NELL1: variants seen among roughly 807,000 people sequenced by gnomAD.
NELL1 encodes neural EGFL like 1, also known as protein kinase C-binding protein NELL1.
NELL1 carries 76 observed loss-of-function variants against 107.4 expected under a neutral mutation model. The observed-to-expected ratio is 0.71, with a 90% CI of 0.59 to 0.86. The LOEUF (loss-of-function observed/expected upper bound fraction) is 0.86, where lower values mean the gene tolerates loss of function less well. Ranked by LOEUF, NELL1 falls within the 40% of genes least tolerant of loss-of-function variation. NELL1 has a pLI of 0.00. For synonymous variants in NELL1, 353 were observed against 341.2 expected (o/e 1.03, Z -0.38); for missense variants, 1,024 against 1,005.5 (o/e 1.02, Z -0.25).
intron 3 of NELL1, among the ~76,000 whole-genome samples, chr11:20,836,341 T>C (rs75856676): frequency 0.022 from 3,372 of 151,986 alleles, 128 homozygotes; most frequent in African/African-American, 0.077. Context: ...TCCTTGTTTA[T>C]TGCTGGTCTG....
chr11:20,975,112 G>A (rs540253907), intron 12 of NELL1, among the ~76,000 whole-genome samples: 14 of 152,102 alleles, frequency 9.2e-5, no homozygotes, highest in South Asian at 8.3e-4. Context: ...AGGTTCAAGC[G>A]ATTCTCCTGC....
chr11:21,538,531 A>G (rs75096884), intron 16 of NELL1, among the ~76,000 whole-genome samples: 1,848 of 152,152 alleles, frequency 0.012, 40 homozygotes, highest in East Asian at 0.077. Flanking sequence ...TCTCTCTTTA[A>G]CTTGTATATC....
intron 3 of NELL1, among the ~76,000 whole-genome samples, chr11:20,815,309 C>T (rs1341016310): frequency 6.6e-6 from 1 of 152,154 alleles, no homozygotes; most frequent in Non-Finnish European, 1.5e-5. Flanking sequence ...TGGCCTCAAA[C>T]TCCTGACCTC....
intron 2 of NELL1, among the ~76,000 whole-genome samples, chr11:20,732,180 T>G (rs751436615): frequency 1.3e-5 from 2 of 152,126 alleles, no homozygotes; most frequent in Non-Finnish European, 2.9e-5. Flanking sequence ...GGTGATCTGA[T>G]TTACACTGGG....
intron 15 of NELL1, among the ~76,000 whole-genome samples, chr11:21,375,597 G>A (rs1023923116): frequency 2.0e-5 from 3 of 152,054 alleles, no homozygotes; most frequent in Non-Finnish European, 4.4e-5. Flanking sequence ...GGATCAAATA[G>A]TAGTTTTAAG....
intron 14 of NELL1, among the ~76,000 whole-genome samples, chr11:21,250,983 T>C (rs1415347095): frequency 6.6e-6 from 1 of 152,140 alleles, no homozygotes; most frequent in Non-Finnish European, 1.5e-5. Context: ...CACTACGTTC[T>C]TGTGGCATTC....
At chr11:21,106,574 G>C (rs2051453) in intron 12 of NELL1, among the ~76,000 whole-genome samples, 26,378 of 152,038 alleles carry the variant, frequency 0.17, 2,952 homozygotes, top group South Asian at 0.41. Flanking sequence ...TCTTATAAAA[G>C]AGATCCATTC....
At chr11:21,273,351 G>T (rs1006417525) in intron 14 of NELL1, among the ~76,000 whole-genome samples, 1 of 152,038 alleles carries the variant, frequency 6.6e-6, no homozygotes, top group Non-Finnish European at 1.5e-5. Context: ...GAAGTTTAAA[G>T]AAAAAAGAAT....
intron 15 of NELL1, among the ~76,000 whole-genome samples, chr11:21,425,831 C>T (rs945720005): frequency 2.6e-5 from 4 of 152,128 alleles, no homozygotes; most frequent in Admixed American, 2.6e-4. Flanking sequence ...ATACTAGTAG[C>T]AGAGAATTTA....
intron 15 of NELL1, among the ~76,000 whole-genome samples, chr11:21,444,270 G>C (rs749109658): frequency 6.6e-6 from 1 of 152,004 alleles, no homozygotes; most frequent in African/African-American, 2.4e-5. Context: ...ACTTTAAGAA[G>C]AACTGCCATG....
chr11:21,230,082 C>T (rs938656675), intron 14 of NELL1, among the ~76,000 whole-genome samples: 3 of 152,140 alleles, frequency 2.0e-5, no homozygotes, highest in African/African-American at 4.8e-5. Flanking sequence ...CCACAATGCT[C>T]ATTTCTTTCA....
intron 12 of NELL1, among the ~76,000 whole-genome samples, chr11:21,094,162 G>C (rs1854586743): frequency 6.6e-6 from 1 of 152,132 alleles, no homozygotes; most frequent in South Asian, 2.1e-4. Context: ...CAAAGCAAAG[G>C]GGCTACAGGC....
rs988270702 is a variant in NELL1 at position 21,002,974 on chromosome 11, A to G, written c.1300+42414A>G. 2.0e-5 allele frequency among the ~76,000 whole-genome samples: 3 copies of G among 152,174 alleles called. No homozygotes were observed. The South Asian group carries it at 6.2e-4, about 32-fold the overall frequency. The stretch of plus-strand genomic sequence containing the variant: ...CTTAACATGATTATATTTTTTAACT[A>G]CTAATAGAATTAATATTAAATTAAT... On this transcript the variant is annotated intron_variant, in intron 12 of 19. Coordinates refer to ENST00000357134, the MANE Select transcript of NELL1 (RefSeq NM_006157.5).
chr11:21,319,455 G>T (rs1849958263), intron 14 of NELL1, among the ~76,000 whole-genome samples: 2 of 149,206 alleles, frequency 1.3e-5, no homozygotes, highest in African/African-American at 2.5e-5. Context: ...CTTCCAAAGT[G>T]CTGGGATTAC....
intron 4 of NELL1, among the ~76,000 whole-genome samples, chr11:20,868,240 C>T (rs1003581620): frequency 6.6e-6 from 1 of 152,106 alleles, no homozygotes; most frequent in Non-Finnish European, 1.5e-5. Context: ...CTCCATGACT[C>T]CCAAGCCATC....
intron 13 of NELL1, among the ~76,000 whole-genome samples, chr11:21,212,494 C>G (rs1258322083): frequency 6.6e-6 from 1 of 152,164 alleles, no homozygotes; most frequent in Non-Finnish European, 1.5e-5. Context: ...CATAACCCTA[C>G]TCCAATCCTG....
chr11:20,703,536 C>T (rs1040227802), intron 2 of NELL1, among the ~76,000 whole-genome samples: 3 of 152,018 alleles, frequency 2.0e-5, no homozygotes, highest in African/African-American at 4.8e-5. Context: ...TATTTCTTGC[C>T]TTCTGCTAGC....
chr11:20,919,527 C>T (rs1322376020), intron 7 of NELL1, among the ~76,000 whole-genome samples, 193 bp downstream of exon 7: 2 of 152,040 alleles, frequency 1.3e-5, no homozygotes, highest in Admixed American at 6.6e-5. Context: ...TGCTATTAAG[C>T]TGTATCATAA....
chr11:21,248,694 G>A (rs569481684), intron 14 of NELL1, among the ~76,000 whole-genome samples: 8 of 152,068 alleles, frequency 5.3e-5, no homozygotes, highest in Non-Finnish European at 8.8e-5. Context: ...AATGTTTCTC[G>A]ATTTCCTTCT....
Sources: gnomAD v4.1 joint callset for allele counts (sites outside exome capture counted in the v4.1 genomes callset) on GRCh38, gnomAD v4.1.1 for gene constraint, MANE v1.5 for transcripts, NCBI Gene and HGNC (gene_info 2026-07-23, HGNC 2026-07-21) for gene names.